NLGN1: variants seen among roughly 807,000 people sequenced by gnomAD.
NLGN1 encodes the protein neuroligin 1, also known as neuroligin-1.
NLGN1 carries 12 observed loss-of-function variants against 65.5 expected under a neutral mutation model. That is an observed-to-expected ratio of 0.18 (90% CI 0.12 to 0.30). The LOEUF (loss-of-function observed/expected upper bound fraction) is 0.30, where lower values mean the gene tolerates loss of function less well. NLGN1 is among the 10% of genes least tolerant of loss of function. NLGN1 has a pLI of 1.00. For missense variants in NLGN1, 750 were observed against 1,007.1 expected (o/e 0.74, Z 3.46); for synonymous variants, 350 against 359.5 (o/e 0.97, Z 0.30).
At chr3:174,028,804 G>A (rs1263209789) in intron 4 of NLGN1, among the ~76,000 whole-genome samples, 4 of 152,224 alleles carry the variant, frequency 2.6e-5, no homozygotes, top group East Asian at 1.9e-4. Context: ...CCAAGGGCAT[G>A]TCAGAGGTAT....
intron 2 of NLGN1, among the ~76,000 whole-genome samples, chr3:173,521,984 G>C (rs1734833832): frequency 6.6e-6 from 1 of 152,098 alleles, no homozygotes; most frequent in South Asian, 2.1e-4. Flanking sequence ...TATAACCATA[G>C]TAGTGGGTAA....
intron 2 of NLGN1, among the ~76,000 whole-genome samples, chr3:173,460,836 G>A (rs1239645388): frequency 6.6e-6 from 1 of 152,132 alleles, no homozygotes; most frequent in Non-Finnish European, 1.5e-5. Flanking sequence ...ATTGGACCTA[G>A]TATCCCAACC....
chr3:173,567,696 C>A (rs1743919671), intron 2 of NLGN1, among the ~76,000 whole-genome samples: 1 of 151,464 alleles, frequency 6.6e-6, no homozygotes, highest in Non-Finnish European at 1.5e-5. Context: ...TTAATTATTC[C>A]TAATTTTGCT....
At chr3:174,265,094 A>G (rs1303996948) in intron 4 of NLGN1, among the ~76,000 whole-genome samples, 1 of 151,822 alleles carries the variant, frequency 6.6e-6, no homozygotes, top group Non-Finnish European at 1.5e-5. Context: ...GCTGTCAGAC[A>G]GGGACATTTA....
intron 2 of NLGN1, among the ~76,000 whole-genome samples, chr3:173,575,078 A>C (rs981420527): frequency 6.6e-6 from 1 of 152,162 alleles, no homozygotes; most frequent in Non-Finnish European, 1.5e-5. Context: ...ATAGAGACAG[A>C]GTCTCACTGT....
At chr3:173,959,547 C>G (rs1713029198) in intron 4 of NLGN1, among the ~76,000 whole-genome samples, 1 of 152,060 alleles carries the variant, frequency 6.6e-6, no homozygotes, top group Non-Finnish European at 1.5e-5. Context: ...AGTTTTTTCC[C>G]ATTATCTAAT....
chr3:173,536,194 G>A (rs572594733), intron 2 of NLGN1, among the ~76,000 whole-genome samples: 1 of 152,272 alleles, frequency 6.6e-6, no homozygotes, highest in African/African-American at 2.4e-5. Context: ...TCCAGCAGAT[G>A]TCTCACCAGC....
At chr3:173,575,699 C>A (rs1394867962) in intron 2 of NLGN1, among the ~76,000 whole-genome samples, 1 of 152,174 alleles carries the variant, frequency 6.6e-6, no homozygotes, top group Non-Finnish European at 1.5e-5. Flanking sequence ...GGCATTTTTA[C>A]AAACGTCAGT....
intron 4 of NLGN1, among the ~76,000 whole-genome samples, chr3:174,073,073 A>G (rs1279998686): frequency 1.3e-5 from 2 of 152,150 alleles, no homozygotes; most frequent in East Asian, 1.9e-4. Flanking sequence ...TCCTTAGGCT[A>G]TGTTTGTATG....
At chr3:174,122,707 A>G (rs1052591337) in intron 4 of NLGN1, among the ~76,000 whole-genome samples, 5 of 152,110 alleles carry the variant, frequency 3.3e-5, no homozygotes, top group African/African-American at 1.2e-4. Flanking sequence ...CAAAGAAAAG[A>G]TCATTTGCTC....
intron 4 of NLGN1, among the ~76,000 whole-genome samples, chr3:173,977,605 G>A (rs552779689): frequency 6.6e-6 from 1 of 151,950 alleles, no homozygotes; most frequent in Non-Finnish European, 1.5e-5. Flanking sequence ...TCAACAAGCC[G>A]GCTTGTGATC....
chr3:173,814,675 T>C (rs1024846857), intron 4 of NLGN1, among the ~76,000 whole-genome samples: 4 of 152,264 alleles, frequency 2.6e-5, no homozygotes, highest in Admixed American at 1.3e-4. Context: ...CAGCCATTTA[T>C]TCCCTTATTC....
chr3:173,726,031 T>C (rs944885368), intron 3 of NLGN1, among the ~76,000 whole-genome samples: 9 of 152,182 alleles, frequency 5.9e-5, no homozygotes, highest in African/African-American at 1.7e-4. Flanking sequence ...ACATAAATTA[T>C]AATAGGGATG....
chr3:173,961,531 G>A (rs1713564305), intron 4 of NLGN1, among the ~76,000 whole-genome samples: 1 of 152,014 alleles, frequency 6.6e-6, no homozygotes, highest in Non-Finnish European at 1.5e-5. Flanking sequence ...GGAATATATG[G>A]ATATGTAACT....
intron 4 of NLGN1, among the ~76,000 whole-genome samples, chr3:173,909,727 T>G (rs1480953995): frequency 2.0e-5 from 3 of 152,182 alleles, no homozygotes; most frequent in African/African-American, 7.2e-5. Context: ...TTGCCCAGGC[T>G]GGAGTGCAAT....
intron 2 of NLGN1, among the ~76,000 whole-genome samples, chr3:173,497,601 A>G (rs1730248173): frequency 6.6e-6 from 1 of 151,722 alleles, no homozygotes; most frequent in African/African-American, 2.4e-5. Flanking sequence ...TAATTAAACA[A>G]CCAAAAGGTA....
chr3:174,261,005 T>C (rs993664846), intron 4 of NLGN1, among the ~76,000 whole-genome samples: 6 of 151,906 alleles, frequency 3.9e-5, no homozygotes, highest in Admixed American at 2.6e-4. Context: ...AGATATGCGG[T>C]GTTATTTCTT....
intron 4 of NLGN1, among the ~76,000 whole-genome samples, chr3:174,232,224 G>A (rs559527996): frequency 1.3e-5 from 2 of 152,278 alleles, no homozygotes; most frequent in South Asian, 2.1e-4. Context: ...CGGGCAGAGT[G>A]GGGTTCACAA....
At chr3:173,552,962 A>C (rs1481889224) in intron 2 of NLGN1, among the ~76,000 whole-genome samples, 4 of 152,226 alleles carry the variant, frequency 2.6e-5, no homozygotes, top group Non-Finnish European at 5.9e-5. Context: ...TCAGAGACAT[A>C]AAATCTTGCT....
Sources: gnomAD v4.1 joint callset for allele counts (sites outside exome capture counted in the v4.1 genomes callset) on GRCh38, gnomAD v4.1.1 for gene constraint, MANE v1.5 for transcripts, NCBI Gene and HGNC (gene_info 2026-07-23, HGNC 2026-07-21) for gene names.